The following LRRC4C variants were observed in gnomAD, a reference collection of about 807,000 sequenced individuals.
The protein encoded by LRRC4C is leucine rich repeat containing 4C.
LRRC4C carries 5 observed loss-of-function variants against 33.6 expected under a neutral mutation model. That is an observed-to-expected ratio of 0.15 (90% CI 0.08 to 0.31). LRRC4C has a LOEUF of 0.31. Among genes scored for constraint, LRRC4C ranks in the 10% least tolerant of loss-of-function variants. The pLI is 1.00. For missense variants in LRRC4C, 560 were observed against 796.7 expected (o/e 0.70, Z 3.58); for synonymous variants, 329 against 302.0 (o/e 1.09, Z -0.93).
chr11:40,444,284 A>G (rs1369272650), intron 3 of LRRC4C, among the ~76,000 whole-genome samples: 1 of 151,752 alleles, frequency 6.6e-6, no homozygotes, highest in Non-Finnish European at 1.5e-5. Flanking sequence ...GAAGCCTAAT[A>G]CCAGAGCTGT....
chr11:41,408,747 T>TAAAAAAAAAAAAAAAAAAAA (rs35914452), intron 1 of LRRC4C, among the ~76,000 whole-genome samples: 2 of 131,778 alleles, frequency 1.5e-5, no homozygotes, highest in African/African-American at 6.4e-5. Context: ...TATATTTTTG[T>TAAAAAAAAAAAAAAAAAAAA]AAAAAAAAAA....
intron 1 of LRRC4C, among the ~76,000 whole-genome samples, chr11:41,180,503 A>G (rs1945398798): frequency 6.6e-6 from 1 of 152,244 alleles, no homozygotes. Context: ...ACTCACATTT[A>G]AAACAAATGA....
intron 1 of LRRC4C, among the ~76,000 whole-genome samples, chr11:41,173,934 A>T (rs181016194): frequency 6.6e-6 from 1 of 152,286 alleles, no homozygotes; most frequent in Non-Finnish European, 1.5e-5. Context: ...CAACTTTAAA[A>T]GTTATAATGT....
At chr11:40,628,252 C>T (rs532010434) in intron 3 of LRRC4C, among the ~76,000 whole-genome samples, 113 of 152,070 alleles carry the variant, frequency 7.4e-4, no homozygotes, top group African/African-American at 2.6e-3. Context: ...CCAAGGCAGG[C>T]GGATCACGAG....
At chr11:40,874,691 T>G (rs896875956) in intron 2 of LRRC4C, among the ~76,000 whole-genome samples, 17 of 152,226 alleles carry the variant, frequency 1.1e-4, no homozygotes, top group African/African-American at 3.9e-4. Flanking sequence ...TAGACTCATA[T>G]GAGAAGCTTT....
intron 3 of LRRC4C, among the ~76,000 whole-genome samples, chr11:40,423,833 G>T (rs1302773222): frequency 6.6e-6 from 1 of 152,108 alleles, no homozygotes; most frequent in East Asian, 1.9e-4. Context: ...ATCAGTAAGA[G>T]CATTACAGAA....
chr11:41,230,629 G>T (rs1947744630), intron 1 of LRRC4C, among the ~76,000 whole-genome samples: 1 of 151,232 alleles, frequency 6.6e-6, no homozygotes, highest in South Asian at 2.1e-4. Flanking sequence ...GCTGCCAGTG[G>T]TGTTTTCCTT....
intron 4 of LRRC4C, among the ~76,000 whole-genome samples, chr11:40,245,150 T>C (rs574910732): frequency 2.6e-5 from 4 of 152,292 alleles, no homozygotes; most frequent in East Asian, 3.9e-4. Flanking sequence ...GGCCATTTCC[T>C]GAGACCAACT....
chr11:40,635,485 T>C (rs1033421373), intron 3 of LRRC4C, among the ~76,000 whole-genome samples: 6 of 152,122 alleles, frequency 3.9e-5, no homozygotes, highest in South Asian at 2.1e-4. Flanking sequence ...CACAGACACA[T>C]AGACAGTAGT....
At chr11:40,779,691 T>C (rs1950141694) in intron 2 of LRRC4C, among the ~76,000 whole-genome samples, 1 of 152,160 alleles carries the variant, frequency 6.6e-6, no homozygotes, top group Non-Finnish European at 1.5e-5. Context: ...AAAGTTTAAG[T>C]AGAGTCCCAA....
At chr11:40,160,755 C>T (rs1859085803) in intron 5 of LRRC4C, among the ~76,000 whole-genome samples, 1 of 152,132 alleles carries the variant, frequency 6.6e-6, no homozygotes, top group African/African-American at 2.4e-5. Flanking sequence ...ATTATGTTGT[C>T]AACTGAAGAT....
intron 1 of LRRC4C, among the ~76,000 whole-genome samples, chr11:41,286,790 C>T (rs1198037518): frequency 6.6e-6 from 1 of 151,420 alleles, no homozygotes; most frequent in Non-Finnish European, 1.5e-5. Flanking sequence ...AGGGAGGAAG[C>T]AGAAGAGGAG....
chr11:41,317,775 T>G (rs984003744), intron 1 of LRRC4C, among the ~76,000 whole-genome samples: 1 of 152,134 alleles, frequency 6.6e-6, no homozygotes, highest in Non-Finnish European at 1.5e-5. Flanking sequence ...GACTCATAAA[T>G]AGTAAACATA....
At chr11:41,188,914 A>ACCC (rs1945823770) in intron 1 of LRRC4C, among the ~76,000 whole-genome samples, 1 of 97,634 alleles carries the variant, frequency 1.0e-5, no homozygotes, top group African/African-American at 3.4e-5. Flanking sequence ...CCCCCCCCCA[A>ACCC]AAAAAAGTAT....
At chr11:40,912,898 TA>T (rs1956767476) in intron 2 of LRRC4C, among the ~76,000 whole-genome samples, 1 of 152,184 alleles carries the variant, frequency 6.6e-6, no homozygotes, top group Non-Finnish European at 1.5e-5. Context: ...GTTGCAATCC[TA>T]GTCTCTGATA....
chr11:41,209,134 A>G (rs1465512341), intron 1 of LRRC4C, among the ~76,000 whole-genome samples: 1 of 151,766 alleles, frequency 6.6e-6, no homozygotes, highest in African/African-American at 2.4e-5. Flanking sequence ...TAATCTGTAC[A>G]CTAAACCGCT....
At chr11:41,069,793 C>T (rs1217886502) in intron 1 of LRRC4C, among the ~76,000 whole-genome samples, 1 of 152,098 alleles carries the variant, frequency 6.6e-6, no homozygotes, top group African/African-American at 2.4e-5. Flanking sequence ...AAAATCATTC[C>T]ATCCTTATGG....
chr11:41,204,789 T>C (rs1946533415), intron 1 of LRRC4C, among the ~76,000 whole-genome samples: 1 of 152,170 alleles, frequency 6.6e-6, no homozygotes, highest in Non-Finnish European at 1.5e-5. Context: ...TGGAATATAA[T>C]GATGTAAAAT....
chr11:40,852,136 T>C (rs984393935), intron 2 of LRRC4C, among the ~76,000 whole-genome samples: 1 of 152,130 alleles, frequency 6.6e-6, no homozygotes, highest in Non-Finnish European at 1.5e-5. Context: ...TAGATTTTTT[T>C]TTTTTTCCAG....
Sources: gnomAD v4.1 joint callset for allele counts (sites outside exome capture counted in the v4.1 genomes callset) on GRCh38, gnomAD v4.1.1 for gene constraint, MANE v1.5 for transcripts, NCBI Gene and HGNC (gene_info 2026-07-23, HGNC 2026-07-21) for gene names.